Variants in RGS7 observed in about 807,000 individuals in gnomAD.
The protein encoded by RGS7 is regulator of G-protein signaling 7.
Under a neutral mutation model 81.1 loss-of-function variants are expected in RGS7, and 27 were observed. The observed-to-expected ratio is 0.33, with a 90% CI of 0.25 to 0.46. The LOEUF is 0.46. Among genes scored for constraint, RGS7 ranks in the 20% least tolerant of loss-of-function variants. The pLI is 1.00. For missense variants in RGS7, 396 were observed against 607.4 expected (o/e 0.65, Z 3.66); for synonymous variants, 208 against 207.7 (o/e 1.00, Z -0.01).
intron 6 of RGS7, among the ~76,000 whole-genome samples, chr1:240,896,035 C>T (rs1669038009): frequency 6.6e-6 from 1 of 152,110 alleles, no homozygotes; most frequent in Non-Finnish European, 1.5e-5. Context: ...TCTCTGATGG[C>T]CAGTGATGAT....
At chr1:241,190,136 T>C (rs1558171882) in intron 2 of RGS7, among the ~76,000 whole-genome samples, 1 of 152,030 alleles carries the variant, frequency 6.6e-6, no homozygotes, top group Non-Finnish European at 1.5e-5. Flanking sequence ...TCTGTATGGG[T>C]ATACTTCCAC....
intron 3 of RGS7, among the ~76,000 whole-genome samples, chr1:241,051,888 C>T (rs1220178565): frequency 6.6e-6 from 1 of 152,136 alleles, no homozygotes; most frequent in Non-Finnish European, 1.5e-5. Context: ...CAGATGAAAA[C>T]ACTGAAGCTT....
chr1:240,801,915 G>C (rs1005220701), intron 16 of RGS7, among the ~76,000 whole-genome samples: 4 of 152,150 alleles, frequency 2.6e-5, no homozygotes, highest in Non-Finnish European at 5.9e-5. Context: ...GAGCATTAAT[G>C]TCTAATAGAA....
chr1:241,312,134 T>C (rs1436079114), intron 2 of RGS7, among the ~76,000 whole-genome samples: 1 of 152,230 alleles, frequency 6.6e-6, no homozygotes, highest in Non-Finnish European at 1.5e-5. Flanking sequence ...CAATCATTCA[T>C]CAGATTTTCA....
intron 1 of RGS7, 105 bp from the exon 2 acceptor site, chr1:241,355,931 G>A: frequency 1.4e-6 from 1 of 703,280 alleles, no homozygotes; most frequent in South Asian, 1.5e-5. Context: ...TACAAACTGG[G>A]GCTGGCTGGA....
At chr1:241,229,466 G>A (rs553876531) in intron 2 of RGS7, among the ~76,000 whole-genome samples, 2 of 152,246 alleles carry the variant, frequency 1.3e-5, no homozygotes, top group Admixed American at 6.5e-5. Context: ...CATTTAGAGG[G>A]TAGACTTCCT....
At chr1:240,801,611 G>T in intron 16 of RGS7, 103 bp from the exon 17 acceptor site, 1 of 810,038 alleles carries the variant, frequency 1.2e-6, no homozygotes, top group Non-Finnish European at 2.1e-6. Context: ...ATAATGAAAT[G>T]ATGCAACACC....
chr1:241,035,267 C>T (rs905478068), intron 3 of RGS7, among the ~76,000 whole-genome samples: 1 of 151,960 alleles, frequency 6.6e-6, no homozygotes, highest in African/African-American at 2.4e-5. Context: ...TATCTAAGTT[C>T]ATTTCTATAA....
At chr1:241,245,344 C>T (rs1310934736) in intron 2 of RGS7, among the ~76,000 whole-genome samples, 1 of 150,894 alleles carries the variant, frequency 6.6e-6, no homozygotes, top group African/African-American at 2.5e-5. Context: ...AGCACCTCCC[C>T]ACACCCCCCT....
intron 2 of RGS7, among the ~76,000 whole-genome samples, chr1:241,157,206 A>G (rs1334014082): frequency 6.6e-6 from 1 of 151,988 alleles, no homozygotes; most frequent in Admixed American, 6.5e-5. Flanking sequence ...GAAGGAAGAG[A>G]GAGCTAATAT....
intron 4 of RGS7, among the ~76,000 whole-genome samples, chr1:240,955,448 A>T (rs1426559290): frequency 1.3e-5 from 2 of 151,462 alleles, no homozygotes; most frequent in Non-Finnish European, 2.9e-5. Flanking sequence ...GCTACTTGGG[A>T]GTCTGTGGCA....
At chr1:241,099,662 T>C (rs1178424684) in intron 2 of RGS7, among the ~76,000 whole-genome samples, 2 of 152,228 alleles carry the variant, frequency 1.3e-5, no homozygotes, top group Non-Finnish European at 2.9e-5. Context: ...CATGTGCTTC[T>C]AAACCTGGGA....
chr1:240,983,012 C>T lies in RGS7; in HGVS notation c.226+67G>A, dbSNP rs189443225. The T allele has an allele frequency of 3.1e-4, 271 of 883,056 alleles. 1 individual carries two copies. Among genetic ancestry groups the T allele is most frequent in the Non-Finnish European group, 5.6e-6 (3 of 532,316 alleles). The allele number at this position is 883,056 out of a possible 1,614,324, so 54.7% of individuals were successfully genotyped here. Reference sequence around the variant, plus strand: ...GCTTGCGTGCCATATTAAAATATCCCTGATGAAACATATTTCTTAAAACCA... The same window carrying T: ...GCTTGCGTGCCATATTAAAATATCCTTGATGAAACATATTTCTTAAAACCA... On this transcript the variant is annotated intron_variant, in intron 4 of 18. Coordinates refer to ENST00000440928, the MANE Select transcript of RGS7 (RefSeq NM_001364886.1).
intron 18 of RGS7, among the ~76,000 whole-genome samples, chr1:240,780,312 C>T (rs1455633259): frequency 9.9e-5 from 15 of 151,172 alleles, no homozygotes; most frequent in African/African-American, 2.4e-4. Context: ...CTGGGTGTGG[C>T]GGGGCACACC....
At chr1:241,178,374 A>G (rs1425787726) in intron 2 of RGS7, among the ~76,000 whole-genome samples, 1 of 152,178 alleles carries the variant, frequency 6.6e-6, no homozygotes. Context: ...TTAGAGACAT[A>G]AATTTGGGAA....
intron 3 of RGS7, among the ~76,000 whole-genome samples, chr1:241,088,459 C>A (rs6702569): frequency 0.047 from 7,074 of 151,998 alleles, 554 homozygotes; most frequent in African/African-American, 0.16. Context: ...CATAGGTAAA[C>A]GTACCCTTGC....
intron 2 of RGS7, among the ~76,000 whole-genome samples, chr1:241,302,152 G>A (rs1016234724): frequency 2.0e-5 from 3 of 152,238 alleles, no homozygotes; most frequent in Non-Finnish European, 2.9e-5. Context: ...AGCAGCCAGC[G>A]TAGAGGCCCT....
chr1:241,114,170 C>T (rs559375765), intron 2 of RGS7, among the ~76,000 whole-genome samples: 1 of 152,234 alleles, frequency 6.6e-6, no homozygotes, highest in African/African-American at 2.4e-5. Context: ...CCAAAATGGT[C>T]AAGACTCAGG....
intron 2 of RGS7, among the ~76,000 whole-genome samples, chr1:241,178,244 A>C (rs557987511): frequency 6.6e-5 from 10 of 152,278 alleles, no homozygotes; most frequent in Admixed American, 2.0e-4. Flanking sequence ...ATAAGCTAGG[A>C]TGGTGCCACT....
Sources: allele counts gnomAD v4.1 joint callset (sites outside exome capture counted in the v4.1 genomes callset), GRCh38; gene constraint gnomAD v4.1.1; transcripts MANE v1.5; gene names NCBI Gene and HGNC (gene_info 2026-07-23, HGNC 2026-07-21).